The following DIAPH2 variants were observed in gnomAD, a reference collection of about 807,000 sequenced individuals.
DIAPH2 encodes diaphanous related formin 2, also known as protein diaphanous homolog 2.
Under a neutral mutation model 92.7 loss-of-function variants are expected in DIAPH2, and 35 were observed. The ratio of observed to expected loss-of-function variants is 0.38; its 90% CI spans 0.29 to 0.50. The LOEUF is 0.50. Ranked by LOEUF, DIAPH2 falls within the 20% of genes least tolerant of loss-of-function variation. The pLI is 0.94. For missense variants in DIAPH2, 701 were observed against 819.5 expected (o/e 0.86, Z 1.77); for synonymous variants, 301 against 280.4 (o/e 1.07, Z -0.73).
chrX:97,247,278 A>G (rs1237727084), intron 22 of DIAPH2, among the ~76,000 whole-genome samples: 1 of 112,110 alleles, frequency 8.9e-6, no homozygotes, highest in Non-Finnish European at 1.9e-5. Context: ...AAAAATCAGG[A>G]TATTCCAACA....
chrX:96,725,092 A>G (rs897768388), intron 1 of DIAPH2, among the ~76,000 whole-genome samples: 2 of 112,310 alleles, frequency 1.8e-5, no homozygotes, highest in African/African-American at 3.2e-5. Context: ...CAGCATAAAC[A>G]GATACAAGTG....
intron 26 of DIAPH2, among the ~76,000 whole-genome samples, chrX:97,505,638 A>G (rs1453331198): frequency 9.1e-6 from 1 of 109,670 alleles, no homozygotes; most frequent in African/African-American, 3.3e-5. Flanking sequence ...AATGCAGCAA[A>G]TGAGGTAGGG....
intron 22 of DIAPH2, among the ~76,000 whole-genome samples, chrX:97,155,751 C>T (rs1034585787): frequency 4.5e-5 from 5 of 111,575 alleles, no homozygotes; most frequent in African/African-American, 1.6e-4. Flanking sequence ...CTGCTATGTG[C>T]GTCTCACCAT....
chrX:96,981,982 T>C (rs1369074629), intron 17 of DIAPH2, among the ~76,000 whole-genome samples: 1 of 111,874 alleles, frequency 8.9e-6, no homozygotes, highest in Non-Finnish European at 1.9e-5. Context: ...TTTCTATTAA[T>C]TGGACCCAGT....
rs1204120424 is a variant in DIAPH2, at chrX:96,980,998, C to CAAAAA, written c.2050+15812_2050+15816dup. 2.6e-4 allele frequency among the ~76,000 whole-genome samples: 12 copies of CAAAAA among 45,509 alleles called. 1 individual carries two copies. Among genetic ancestry groups the CAAAAA allele is most frequent in the African/African-American group, 1.0e-3 (11 of 10,716 alleles). 39.5% of individuals were successfully genotyped at this position (45,509 alleles called of 115,157 possible). A position where few individuals can be genotyped will look rare whatever the true frequency, so the allele number is the denominator to read the frequency against. On this transcript the variant is annotated intron_variant, in intron 17 of 26. Transcript: ENST00000324765. The stretch of plus-strand genomic sequence containing the variant: ...CAACATGGTGAAACCCCATCTCTAC[C>CAAAAA]AAAAAAAAAAAAAAAAAAAAAAAAA...
At chrX:97,583,701 C>T (rs1334811759) in intron 26 of DIAPH2, among the ~76,000 whole-genome samples, 4 of 111,397 alleles carry the variant, frequency 3.6e-5, no homozygotes, top group African/African-American at 9.8e-5. Context: ...GTGGGCTCCA[C>T]CCAGTTCGAG....
chrX:96,985,544 A>G (rs1423996911), intron 17 of DIAPH2, among the ~76,000 whole-genome samples: 1 of 110,778 alleles, frequency 9.0e-6, no homozygotes, highest in Non-Finnish European at 1.9e-5. Flanking sequence ...ATATACTGTT[A>G]TATAAGGAAT....
chrX:96,769,645 T>C (rs1462292325), intron 4 of DIAPH2, among the ~76,000 whole-genome samples: 1 of 111,415 alleles, frequency 9.0e-6, no homozygotes. Context: ...AGATAAACAA[T>C]CTGACATAAA....
intron 23 of DIAPH2, among the ~76,000 whole-genome samples, chrX:97,309,588 A>G (rs1434251113): frequency 1.8e-5 from 2 of 111,766 alleles, no homozygotes; most frequent in Non-Finnish European, 3.8e-5. Context: ...TAGTGTTGCT[A>G]TAGAAAATGC....
intron 26 of DIAPH2, among the ~76,000 whole-genome samples, chrX:97,551,417 C>G (rs1012449277): frequency 4.6e-5 from 5 of 109,259 alleles, no homozygotes; most frequent in African/African-American, 1.7e-4. Context: ...TGGTGAAAAC[C>G]CATCTCTACT....
intron 26 of DIAPH2, among the ~76,000 whole-genome samples, chrX:97,583,359 A>C (rs2071454873): frequency 9.2e-6 from 1 of 108,678 alleles, no homozygotes; most frequent in African/African-American, 3.4e-5. Flanking sequence ...TTTGGTGTGG[A>C]TGTCCTTTCT....
chrX:97,300,849 G>A (rs754524511), intron 23 of DIAPH2, among the ~76,000 whole-genome samples: 48 of 96,655 alleles, frequency 5.0e-4, no homozygotes, highest in Middle Eastern at 5.2e-3. Context: ...GGAGAATGGC[G>A]TGAACCCGGG....
intron 12 of DIAPH2, among the ~76,000 whole-genome samples, chrX:96,939,809 C>T (rs1428229254): frequency 3.7e-5 from 3 of 80,468 alleles, no homozygotes; most frequent in Non-Finnish European, 7.1e-5. Context: ...GGACTACAGG[C>T]GCGCGCCACC....
chrX:97,250,045 C>T (rs1192017578), intron 23 of DIAPH2, among the ~76,000 whole-genome samples: 1 of 110,526 alleles, frequency 9.0e-6, no homozygotes, highest in Non-Finnish European at 1.9e-5. Context: ...TGCGGTGAGC[C>T]GAGATCGCGC....
intron 26 of DIAPH2, among the ~76,000 whole-genome samples, chrX:97,491,340 A>G (rs1367547968): frequency 9.0e-6 from 1 of 111,633 alleles, no homozygotes; most frequent in East Asian, 2.8e-4. Context: ...ATATAATTAG[A>G]TATTGTTTAT....
intron 9 of DIAPH2, among the ~76,000 whole-genome samples, chrX:96,923,047 A>T (rs1329941865): frequency 9.0e-6 from 1 of 111,454 alleles, no homozygotes; most frequent in Admixed American, 9.6e-5. Flanking sequence ...CATCCAGTTG[A>T]AACTGCTTTC....
At chrX:97,292,415 A>C (rs886219428) in intron 23 of DIAPH2, among the ~76,000 whole-genome samples, 4 of 111,895 alleles carry the variant, frequency 3.6e-5, no homozygotes, top group African/African-American at 9.7e-5. Context: ...CCACATGATG[A>C]AATTTGTACT....
At chrX:97,545,699 G>A (rs765588083) in intron 26 of DIAPH2, among the ~76,000 whole-genome samples, 10 of 108,762 alleles carry the variant, frequency 9.2e-5, no homozygotes, top group African/African-American at 3.0e-4. Flanking sequence ...AATTTCTCCC[G>A]TAATTCCTAA....
intron 17 of DIAPH2, among the ~76,000 whole-genome samples, chrX:97,057,121 A>G (rs1172339389): frequency 8.9e-6 from 1 of 112,257 alleles, no homozygotes; most frequent in Non-Finnish European, 1.9e-5. Context: ...TTTGAGTGCT[A>G]TTACTAAATG....
Sources: allele counts gnomAD v4.1 joint callset (sites outside exome capture counted in the v4.1 genomes callset), GRCh38; gene constraint gnomAD v4.1.1; transcripts MANE v1.5; gene names NCBI Gene and HGNC (gene_info 2026-07-23, HGNC 2026-07-21).